The following SORCS2 variants were observed in gnomAD, a reference collection of about 807,000 sequenced individuals.
SORCS2 encodes the protein VPS10 domain-containing receptor SorCS2.
In SORCS2, 100 loss-of-function variants were observed where a neutral mutation model predicts 141.6. That is an observed-to-expected ratio of 0.71 (90% CI 0.60 to 0.83). The LOEUF is 0.83. Ranked by LOEUF, SORCS2 falls within the 40% of genes least tolerant of loss-of-function variation. The pLI, the probability that SORCS2 is intolerant of heterozygous loss-of-function variation, is 0.00. For missense variants in SORCS2, 1,646 were observed against 1,560.2 expected (o/e 1.05, Z -0.93); for synonymous variants, 789 against 676.9 (o/e 1.17, Z -2.57).
chr4:7,630,937 T>C (rs913977344), intron 3 of SORCS2, among the ~76,000 whole-genome samples: 14 of 151,686 alleles, frequency 9.2e-5, no homozygotes, highest in Middle Eastern at 3.2e-3. Context: ...AAAAGCATCC[T>C]CCCCAGGACA....
intron 3 of SORCS2, among the ~76,000 whole-genome samples, chr4:7,535,950 C>T (rs1274002468): frequency 2.6e-5 from 4 of 152,200 alleles, no homozygotes; most frequent in Admixed American, 6.5e-5. Flanking sequence ...TGATGGGAAC[C>T]GGGGCAGCGA....
chr4:7,266,113 C>T (rs1465667398), intron 1 of SORCS2, among the ~76,000 whole-genome samples: 2 of 152,142 alleles, frequency 1.3e-5, no homozygotes, highest in East Asian at 1.9e-4. Context: ...TTGCCTGGGC[C>T]CTGGTGCCAC....
intron 15 of SORCS2, among the ~76,000 whole-genome samples, chr4:7,713,175 A>G (rs1225186905): frequency 6.6e-6 from 1 of 152,134 alleles, no homozygotes. Context: ...AAGGTAACAC[A>G]GGCCTGTACC....
At chr4:7,308,517 G>A (rs905446394) in intron 1 of SORCS2, among the ~76,000 whole-genome samples, 3 of 152,098 alleles carry the variant, frequency 2.0e-5, no homozygotes, top group Non-Finnish European at 2.9e-5. Context: ...TTTCTAGAGC[G>A]GTGTCAGACT....
chr4:7,626,698 T>C (rs1719536519), intron 3 of SORCS2, among the ~76,000 whole-genome samples: 1 of 152,236 alleles, frequency 6.6e-6, no homozygotes, highest in African/African-American at 2.4e-5. Context: ...TTCATGGAAC[T>C]CACTACCATC....
intron 1 of SORCS2, among the ~76,000 whole-genome samples, chr4:7,318,266 TA>T (rs1214978751): frequency 6.6e-6 from 1 of 152,210 alleles, no homozygotes; most frequent in Admixed American, 6.5e-5. Context: ...GTGGCAGAGC[TA>T]GGTGCTGCAC....
intron 14 of SORCS2, among the ~76,000 whole-genome samples, chr4:7,707,566 C>A (rs1475650921): frequency 6.6e-6 from 1 of 152,234 alleles, no homozygotes; most frequent in Non-Finnish European, 1.5e-5. Context: ...GCCTTCCCTG[C>A]CACCAGGCCT....
At chr4:7,654,331 G>A (rs898899208) in intron 5 of SORCS2, 124 bp downstream of exon 5, 11 of 999,796 alleles carry the variant, frequency 1.1e-5, no homozygotes, top group Non-Finnish European at 1.6e-5. Context: ...CCATCCCGGG[G>A]CTGGGTCCCC....
At chr4:7,428,473 C>A (rs1174795659) in intron 2 of SORCS2, among the ~76,000 whole-genome samples, 1 of 152,154 alleles carries the variant, frequency 6.6e-6, no homozygotes, top group Admixed American at 6.5e-5. Flanking sequence ...AGGCCACAGC[C>A]AGATAGCCGA....
chr4:7,504,633 G>A (rs1732169135), intron 2 of SORCS2, among the ~76,000 whole-genome samples: 1 of 152,192 alleles, frequency 6.6e-6, no homozygotes, highest in Non-Finnish European at 1.5e-5. Flanking sequence ...GGCCTGGGTG[G>A]TTGGTCACAC....
At chr4:7,386,090 C>T (rs73210454) in intron 1 of SORCS2, among the ~76,000 whole-genome samples, 19,123 of 151,808 alleles carry the variant, frequency 0.13, 1,653 homozygotes, top group East Asian at 0.5. Flanking sequence ...TACACATATG[C>T]ACACATGCAC....
Position 7,226,056 on chromosome 4 carries a change from C to T in SORCS2, c.480+32930C>T, listed in dbSNP as rs143982319. Among the ~76,000 whole-genome samples, 75 of 152,282 alleles carry T rather than the reference C, an allele frequency of 4.9e-4. 1 individual carries two copies. In the East Asian group the frequency reaches 0.014, roughly 29 times the overall value. On this transcript the variant is annotated intron_variant, in intron 1 of 26. Transcript: ENST00000507866. ...TTTGAACTCCGCCACCGTGAGAAAA[C>T]GTGGCTCCGGAGGGTCTGGACCCCC...
intron 1 of SORCS2, among the ~76,000 whole-genome samples, chr4:7,219,170 C>CTG (rs57092836): frequency 0.085 from 12,814 of 150,694 alleles, 616 homozygotes; most frequent in Non-Finnish European, 0.096. Context: ...TTTGTCTATG[C>CTG]TGTGTGTGTG....
At chr4:7,395,945 A>T (rs774899502) in intron 1 of SORCS2, among the ~76,000 whole-genome samples, 1 of 152,168 alleles carries the variant, frequency 6.6e-6, no homozygotes, top group Non-Finnish European at 1.5e-5. Context: ...TCACATAGGG[A>T]CCACTGCCCT....
At chr4:7,533,595 G>C (rs1711847111) in intron 3 of SORCS2, among the ~76,000 whole-genome samples, 1 of 152,212 alleles carries the variant, frequency 6.6e-6, no homozygotes, top group African/African-American at 2.4e-5. Context: ...CCTGGGATGT[G>C]ATGGTACCTC....
At chr4:7,666,044 T>A (rs1722482563) in intron 7 of SORCS2, among the ~76,000 whole-genome samples, 1 of 151,820 alleles carries the variant, frequency 6.6e-6, no homozygotes, top group Non-Finnish European at 1.5e-5. Flanking sequence ...TGACTCTGGA[T>A]TGAGGGATGT....
intron 4 of SORCS2, among the ~76,000 whole-genome samples, chr4:7,646,643 A>T (rs1721097181): frequency 6.6e-6 from 1 of 152,076 alleles, no homozygotes; most frequent in South Asian, 2.1e-4. Flanking sequence ...AAATCAAACT[A>T]CAAAAAAAAG....
chr4:7,419,474 T>A (rs1412801669), intron 2 of SORCS2, among the ~76,000 whole-genome samples: 1 of 152,170 alleles, frequency 6.6e-6, no homozygotes, highest in Admixed American at 6.5e-5. Context: ...ATGGGCCTTG[T>A]ATTGAATGGA....
At chr4:7,473,417 G>A (rs1730100701) in intron 2 of SORCS2, among the ~76,000 whole-genome samples, 1 of 152,304 alleles carries the variant, frequency 6.6e-6, no homozygotes, top group African/African-American at 2.4e-5. Flanking sequence ...TGACCTCCTC[G>A]CAGGGAGCGG....
Sources: allele counts gnomAD v4.1 joint callset (sites outside exome capture counted in the v4.1 genomes callset), GRCh38; gene constraint gnomAD v4.1.1; transcripts MANE v1.5; gene names NCBI Gene and HGNC (gene_info 2026-07-23, HGNC 2026-07-21).